Variants in CNBD1 observed in about 807,000 individuals in gnomAD.
CNBD1 encodes cyclic nucleotide binding domain containing 1, also known as cyclic nucleotide-binding domain-containing protein 1.
CNBD1 carries 71 observed loss-of-function variants against 54.4 expected under a neutral mutation model. The ratio of observed to expected loss-of-function variants is 1.30; its 90% confidence interval spans 1.08 to 1.59. The LOEUF is 1.59. Ranked by LOEUF, CNBD1 falls within the 40% of genes most tolerant of loss-of-function variation. CNBD1 has a pLI of 0.00. For synonymous variants in CNBD1, 182 were observed against 170.7 expected, an observed-to-expected ratio of 1.07 and a Z score of -0.51; for missense variants, 659 against 518.0, an observed-to-expected ratio of 1.27 and a Z score of -2.64.
intron 5 of CNBD1, among the ~76,000 whole-genome samples, chr8:87,235,865 T>G (rs1807574863): frequency 6.6e-6 from 1 of 152,144 alleles, no homozygotes; most frequent in African/African-American, 2.4e-5. Context: ...AAACAAGATA[T>G]GCTTGTATTG....
chr8:87,427,091 G>A (rs964736894), intron 2 of CNBD1, among the ~76,000 whole-genome samples: 19 of 152,218 alleles, frequency 1.2e-4, no homozygotes, highest in Middle Eastern at 3.4e-3. Flanking sequence ...AAAGTCAGCA[G>A]CATGACAAGG....
intron 8 of CNBD1, among the ~76,000 whole-genome samples, chr8:87,298,810 G>A (rs1808932386): frequency 6.6e-6 from 1 of 152,010 alleles, no homozygotes; most frequent in Non-Finnish European, 1.5e-5. Context: ...TCTTTGCTTT[G>A]TCCAGAAGAT....
At chr8:87,212,144 T>G (rs1429761103) in intron 5 of CNBD1, among the ~76,000 whole-genome samples, 1 of 152,118 alleles carries the variant, frequency 6.6e-6, no homozygotes, top group African/African-American at 2.4e-5. Flanking sequence ...AAATATAACC[T>G]GCTTAGGAAT....
downstream of CNBD1, among the ~76,000 whole-genome samples, chr8:87,386,489 C>T (rs530880296): frequency 2.0e-5 from 3 of 151,914 alleles, no homozygotes; most frequent in South Asian, 2.1e-4. Context: ...GTAGCCAATT[C>T]GATCAACTGG....
At chr8:87,037,952 C>T (rs1809984110) in intron 4 of CNBD1, among the ~76,000 whole-genome samples, 1 of 152,164 alleles carries the variant, frequency 6.6e-6, no homozygotes, top group South Asian at 2.1e-4. Flanking sequence ...TTTTCTAAAG[C>T]TTAGTATAAA....
chr8:87,329,477 G>A (rs1010759103), intron 8 of CNBD1, among the ~76,000 whole-genome samples: 2 of 152,046 alleles, frequency 1.3e-5, no homozygotes, highest in Non-Finnish European at 2.9e-5. Context: ...CATAGCATCT[G>A]TATATTATTT....
chr8:87,420,123 T>A (rs1322632734), intron 2 of CNBD1, among the ~76,000 whole-genome samples: 1 of 148,370 alleles, frequency 6.7e-6, no homozygotes, highest in African/African-American at 2.6e-5. Flanking sequence ...GAATAAAAGA[T>A]AGACATCATT....
chr8:87,351,860 T>A, intron 9 of CNBD1, 66 bp downstream of exon 9: 1 of 1,289,988 alleles, frequency 7.8e-7, no homozygotes, highest in Non-Finnish European at 1.0e-6. Flanking sequence ...TCAGATACCT[T>A]TTCATGTACT....
At chr8:87,331,336 G>A (rs536072921) in intron 8 of CNBD1, among the ~76,000 whole-genome samples, 1 of 152,258 alleles carries the variant, frequency 6.6e-6, no homozygotes, top group South Asian at 2.1e-4. Context: ...ACTTGTGTGA[G>A]TTTGTTGAGG....
intron 8 of CNBD1, among the ~76,000 whole-genome samples, chr8:87,318,325 T>C (rs1377104265): frequency 3.9e-5 from 6 of 152,108 alleles, no homozygotes; most frequent in Non-Finnish European, 7.4e-5. Flanking sequence ...ATAAGTTTTC[T>C]TGAGCTTTGT....
At chr8:87,149,679 T>G (rs1220527224) in intron 4 of CNBD1, among the ~76,000 whole-genome samples, 1 of 152,142 alleles carries the variant, frequency 6.6e-6, no homozygotes, top group Non-Finnish European at 1.5e-5. Context: ...GTTCATAGAC[T>G]GACCTACAGA....
chr8:87,224,970 G>A (rs1041830249), intron 5 of CNBD1, among the ~76,000 whole-genome samples: 22 of 152,168 alleles, frequency 1.4e-4, no homozygotes, highest in African/African-American at 2.2e-4. Context: ...TCCCTTGTAA[G>A]TTGGATTCCT....
intron 4 of CNBD1, among the ~76,000 whole-genome samples, chr8:86,997,736 G>A (rs1267924298): frequency 1.3e-5 from 2 of 152,080 alleles, no homozygotes; most frequent in Non-Finnish European, 2.9e-5. Flanking sequence ...AGTTACCACT[G>A]GGAGGATTAA....
chr8:87,062,146 A>G (rs1012195473), intron 4 of CNBD1, among the ~76,000 whole-genome samples: 1 of 152,252 alleles, frequency 6.6e-6, no homozygotes, highest in Non-Finnish European at 1.5e-5. Context: ...GAGGTCTGCA[A>G]TGACAACTAG....
intron 1 of CNBD1, among the ~76,000 whole-genome samples, chr8:86,885,411 T>A (rs1808667338): frequency 6.6e-6 from 1 of 152,166 alleles, no homozygotes; most frequent in African/African-American, 2.4e-5. Flanking sequence ...CTCTTTCAAA[T>A]ATACTCTAGT....
chr8:86,926,092 C>T (rs1166279080), intron 3 of CNBD1, among the ~76,000 whole-genome samples: 1 of 152,068 alleles, frequency 6.6e-6, no homozygotes, highest in Non-Finnish European at 1.5e-5. Context: ...CTTTTAGAAT[C>T]CTGCTGATTG....
At chr8:86,941,176 A>G (rs1258796880) in intron 4 of CNBD1, among the ~76,000 whole-genome samples, 1 of 152,204 alleles carries the variant, frequency 6.6e-6, no homozygotes, top group East Asian at 1.9e-4. Flanking sequence ...AACAATGAAT[A>G]CTAATCACTT....
chr8:87,216,038 T>C (rs546539276), intron 5 of CNBD1, among the ~76,000 whole-genome samples: 5 of 152,334 alleles, frequency 3.3e-5, no homozygotes, highest in Non-Finnish European at 7.3e-5. Flanking sequence ...TCGTGGTTTA[T>C]CTGCATTGCA....
rs576069818 is a variant in CNBD1 at position 87,305,184 on chromosome 8, A to G, written c.1042+18513A>G. Among the ~76,000 whole-genome samples, 196 of 152,200 alleles carry G rather than the reference A, an allele frequency of 1.3e-3. 1 individual carries two copies. Among genetic ancestry groups the G allele is most frequent in the African/African-American group, 4.3e-3 (180 of 41,548 alleles). On this transcript the variant is annotated intron_variant, in intron 8 of 10. Coordinates refer to ENST00000518476, the MANE Select transcript of CNBD1 (RefSeq NM_173538.3). ...GCTGCAAAAAAAGAAAAAATACTTA[A>G]GAATATACCTAACCAAGAAGTTGAA...
Sources: allele counts gnomAD v4.1 joint callset (sites outside exome capture counted in the v4.1 genomes callset), GRCh38; gene constraint gnomAD v4.1.1; transcripts MANE v1.5; gene names NCBI Gene and HGNC (gene_info 2026-07-23, HGNC 2026-07-21).